HERC1: variants seen among roughly 807,000 people sequenced by gnomAD.
HERC1 encodes the protein HECT and RLD domain containing E3 ubiquitin protein ligase family member 1.
Under a neutral mutation model 554.3 loss-of-function variants are expected in HERC1, and 160 were observed. That is an observed-to-expected ratio of 0.29 (90% CI 0.25 to 0.33). The LOEUF is 0.33. Ranked by LOEUF, HERC1 falls within the 10% of genes least tolerant of loss-of-function variation. The pLI is 1.00. For synonymous variants in HERC1, 2,175 were observed against 2,131.7 expected, an observed-to-expected ratio of 1.02 and a Z score of -0.56; for missense variants, 4,919 against 5,918.5, an observed-to-expected ratio of 0.83 and a Z score of 5.54.
rs577020955 is a variant in HERC1, at chr15:63,768,154, C to T, written c.931-3963G>A. Among the ~76,000 whole-genome samples, 20 of 152,300 alleles carry T rather than the reference C, an allele frequency of 1.3e-4. No homozygotes were observed. In the East Asian group the frequency reaches 2.5e-3, roughly 19 times the overall value. Reference sequence around the variant, plus strand: ...TCGTCTTCAGATCTCTGATTCTATTCGACTGTTTCTCTTATTGCTGGGTCA... The same window carrying T: ...TCGTCTTCAGATCTCTGATTCTATTTGACTGTTTCTCTTATTGCTGGGTCA... On this transcript the variant is annotated intron_variant, in intron 2 of 77. Coordinates refer to ENST00000443617, the MANE Select transcript of HERC1 (RefSeq NM_003922.4).
In HERC1 at chr15:63,694,839, T is replaced by G; in HGVS notation, c.5177A>C (p.His1726Pro). Residue 1726 changes from histidine to proline, a missense_variant, in exon 28 of 78, where the codon CAT (histidine) becomes CCT (proline). By Grantham distance (77) the His-to-Pro change is moderately conservative. Transcript: ENST00000443617. This position sits in a 1 kb window ranked among gnomAD's most constrained non-coding sequence, Gnocchi z 4.3. ...NIQIEIQVAV[H>P]KIYQQLSATL... ...AGCAGACAACTGTTGATAAATTTTATGCACAGCTACCTGGATTTCAATCTG... is the reference window on the plus strand; with the variant it reads ...AGCAGACAACTGTTGATAAATTTTAGGCACAGCTACCTGGATTTCAATCTG... 1.2e-6 allele frequency: 2 copies of G among 1,613,850 alleles called. No individual in the cohort carries two copies. The highest frequency in any genetic ancestry group is 1.7e-6 in the Non-Finnish European group (2 of 1,179,760).
chr15:63,767,305 T>C (rs2075812580), intron 2 of HERC1, among the ~76,000 whole-genome samples: 1 of 152,040 alleles, frequency 6.6e-6, no homozygotes, highest in South Asian at 2.1e-4. Flanking sequence ...GCCTGGCCTA[T>C]AGGTTTTAAG....
chr15:63,671,658 G>A (rs1282012471), intron 39 of HERC1, among the ~76,000 whole-genome samples: 1 of 152,072 alleles, frequency 6.6e-6, no homozygotes, highest in African/African-American at 2.4e-5. Flanking sequence ...ACTTGCTGAG[G>A]GATACAGCCC....
Position 63,669,619 on chromosome 15 carries a change from T to A in HERC1, c.8125A>T (p.Thr2709Ser), listed in dbSNP as rs751886412. 2 of 1,613,676 alleles carry A rather than the reference T, an allele frequency of 1.2e-6. No individual in the cohort carries two copies. Among genetic ancestry groups the A allele is most frequent in the Non-Finnish European group, 8.5e-7 (1 of 1,179,666 alleles). The change falls in exon 40 of 78, where the codon ACC becomes TCC. Residue 2709 changes from threonine to serine, a missense_variant. Thr to Ser is a moderately conservative substitution (Grantham distance 58, BLOSUM62 1). Around this residue, in one of 11 missense-constraint regions of HERC1, gnomAD observed 1,963 missense variants for 2,228.6 expected, o/e 0.88. Transcript: ENST00000443617. ...AQTPPISSLP[T>S]SPSDEVGRRQ... ...CTTCCTACTTCATCAGAAGGAGAGGTTGGTAACGAAGATATTGGAGGAGTC... is the reference window on the plus strand; with the variant it reads ...CTTCCTACTTCATCAGAAGGAGAGGATGGTAACGAAGATATTGGAGGAGTC...
At chr15:63,671,346 T>C (rs2070910197) in intron 39 of HERC1, among the ~76,000 whole-genome samples, 1 of 150,264 alleles carries the variant, frequency 6.7e-6, no homozygotes, top group African/African-American at 2.5e-5. Flanking sequence ...TAATCCAGTC[T>C]CAGTGACAGA....
intron 1 of HERC1, among the ~76,000 whole-genome samples, chr15:63,814,513 G>A (rs1409033961): frequency 1.3e-5 from 2 of 152,174 alleles, no homozygotes; most frequent in Non-Finnish European, 1.5e-5. Flanking sequence ...ATGCTGGAGT[G>A]CAGTGACACA....
intron 27 of HERC1, among the ~76,000 whole-genome samples, chr15:63,695,125 T>G (rs2072328065): frequency 6.6e-6 from 1 of 152,130 alleles, no homozygotes; most frequent in South Asian, 2.1e-4. Flanking sequence ...AACCTCTGCC[T>G]CCCAGGCTCA....
Position 63,692,446 on chromosome 15 carries a change from A to C in HERC1, c.5795T>G (p.Val1932Gly). 6.2e-7 allele frequency: 1 copy of C among 1,611,402 alleles called. No homozygotes were observed. Among genetic ancestry groups the C allele is most frequent in the Non-Finnish European group, 8.5e-7 (1 of 1,179,232 alleles). ...TTTCTGAGATGCTATATTTAGAAGC[A>C]CTTCGGTCCACTTTGGGGAAGCCAT... ...SKMASPKWTEVLLNIASQKCS... is the reference protein window; with the variant it reads ...SKMASPKWTEGLLNIASQKCS... The change falls in exon 31 of 78, where the codon GTG becomes GGG. Residue 1932 changes from valine (V) to glycine (G), a missense_variant. By Grantham distance (109) the Val-to-Gly change is moderately radical (BLOSUM62 -3). This residue lies in a region of HERC1 where 1,121 missense variants were observed against 1,244.0 expected (regional missense o/e 0.90). Transcript: ENST00000443617. The surrounding 1 kb of genome is among the most constrained non-coding windows in gnomAD (Gnocchi z 4.7).
chr15:63,612,700 G>T lies in HERC1; in HGVS notation c.14095-144C>A, dbSNP rs1384463235. The T allele has an allele frequency of 7.9e-6, 6 of 755,482 alleles. No individual in the cohort carries two copies. Among genetic ancestry groups the T allele is most frequent in the South Asian group, 3.9e-5 (2 of 50,844 alleles). The allele number at this position is 755,482 out of a possible 1,614,324, so 46.8% of individuals were successfully genotyped here. A position where few individuals can be genotyped will look rare whatever the true frequency, so the allele number is the denominator to read the frequency against. Reference sequence around the variant, plus strand: ...GTTTCTCAGACCGCCAGGCACGAGAGTCAGTCAAAAAGGCCCACCCTCCCT... The same window carrying T: ...GTTTCTCAGACCGCCAGGCACGAGATTCAGTCAAAAAGGCCCACCCTCCCT... On this transcript the variant is annotated intron_variant, in intron 76 of 77. Coordinates refer to ENST00000443617, the MANE Select transcript of HERC1 (RefSeq NM_003922.4). The surrounding 1 kb of genome is among the most constrained non-coding windows in gnomAD (Gnocchi z 5.0).
chr15:63,625,210 C>T (rs770289498), intron 71 of HERC1, among the ~76,000 whole-genome samples: 36 of 152,184 alleles, frequency 2.4e-4, no homozygotes, highest in Non-Finnish European at 3.8e-4. Flanking sequence ...GCAAAATTTA[C>T]TTTATTTCCC....
intron 24 of HERC1, among the ~76,000 whole-genome samples, chr15:63,711,228 G>A (rs2073276100): frequency 6.6e-6 from 1 of 152,140 alleles, no homozygotes. Context: ...GGGAGGCTGA[G>A]GCAGGAGGAT....
At chr15:63,748,341 C>A (rs1002452154) in intron 10 of HERC1, among the ~76,000 whole-genome samples, 1 of 151,894 alleles carries the variant, frequency 6.6e-6, no homozygotes, top group Non-Finnish European at 1.5e-5. Flanking sequence ...TAAGGAAAAC[C>A]AAGAATTTGC....
At chr15:63,753,814 C>A (rs185954761) in intron 7 of HERC1, among the ~76,000 whole-genome samples, 1 of 152,040 alleles carries the variant, frequency 6.6e-6, no homozygotes. Flanking sequence ...AATTGTGCCA[C>A]CATCAAATAA....
intron 1 of HERC1, among the ~76,000 whole-genome samples, chr15:63,789,078 GTTTTT>G (rs71131178): frequency 6.0e-5 from 5 of 83,612 alleles, no homozygotes; most frequent in African/African-American, 2.0e-4. Context: ...GGAATAAAAG[GTTTTT>G]TTTTTTTTTT....
At position 63,679,242 on chromosome 15, in the gene HERC1, C is replaced by T. The variant is rs73448158; in HGVS notation, c.6549+835G>A. Among the ~76,000 whole-genome samples the T allele has an allele frequency of 2.0e-3, 297 of 152,306 alleles. 1 individual carries two copies. Among genetic ancestry groups the T allele is most frequent in the African/African-American group, 6.9e-3 (285 of 41,562 alleles). On this transcript the variant is annotated intron_variant, in intron 36 of 77. Coordinates refer to ENST00000443617, the MANE Select transcript of HERC1 (RefSeq NM_003922.4). ...GCAAGGGATGGTATCAGGCACTGGGCTGCATCTTTACTTCATCTCCAGTTC... is the reference window on the plus strand; with the variant it reads ...GCAAGGGATGGTATCAGGCACTGGGTTGCATCTTTACTTCATCTCCAGTTC...
intron 1 of HERC1, among the ~76,000 whole-genome samples, chr15:63,788,440 T>C (rs542131547): frequency 1.3e-5 from 2 of 152,224 alleles, no homozygotes; most frequent in Non-Finnish European, 2.9e-5. Context: ...AATTCTATCA[T>C]GACTTCAACA....
chr15:63,630,003 T>G (rs1179692098), intron 69 of HERC1, among the ~76,000 whole-genome samples: 1 of 152,170 alleles, frequency 6.6e-6, no homozygotes, highest in Non-Finnish European at 1.5e-5. Context: ...CAAGACTTCC[T>G]GCAAAAACCT....
chr15:63,628,659 G>T lies in HERC1; in HGVS notation c.13105+18C>A, dbSNP rs1176773074. ...TAAAAAAGAAACGCTGCAGGAGCATGAATATTTCATTCCTCACCTGGTGCT... is the reference window on the plus strand; with the variant it reads ...TAAAAAAGAAACGCTGCAGGAGCATTAATATTTCATTCCTCACCTGGTGCT... On this transcript the variant is annotated intron_variant, in intron 70 of 77. Transcript: ENST00000443617. The T allele has an allele frequency of 1.2e-6, 2 of 1,600,470 alleles. No homozygotes were observed. The highest frequency in any genetic ancestry group is 1.1e-5 in the South Asian group (1 of 89,430).
At chr15:63,786,568 G>A (rs2076452303) in intron 1 of HERC1, among the ~76,000 whole-genome samples, 1 of 152,176 alleles carries the variant, frequency 6.6e-6, no homozygotes, top group African/African-American at 2.4e-5. Flanking sequence ...ATATTATTCA[G>A]CCATAAATAG....
Sources: allele counts gnomAD v4.1 joint callset (sites outside exome capture counted in the v4.1 genomes callset), GRCh38; gene constraint gnomAD v4.1.1; regional missense constraint gnomAD v4.1.1; non-coding constraint Gnocchi (gnomAD v3.1); transcripts MANE v1.5; gene names NCBI Gene and HGNC (gene_info 2026-07-23, HGNC 2026-07-21).